Variants in LRRC4C observed in about 807,000 individuals in gnomAD.
LRRC4C encodes leucine-rich repeat-containing protein 4C.
A neutral mutation model predicts 33.6 loss-of-function variants in LRRC4C; 5 were observed. The ratio of observed to expected loss-of-function variants is 0.15; its 90% CI spans 0.08 to 0.31. LRRC4C has a LOEUF of 0.31. LRRC4C is among the 10% of genes least tolerant of loss of function. The probability of loss-of-function intolerance (pLI) is 1.00; values close to 1 mark genes in which losing one functional copy is unlikely to be tolerated. For missense variants in LRRC4C, 560 were observed against 796.7 expected, an observed-to-expected ratio of 0.70 and a Z score of 3.58; for synonymous variants, 329 against 302.0, an observed-to-expected ratio of 1.09 and a Z score of -0.93.
At chr11:40,469,664 A>G (rs1355568086) in intron 3 of LRRC4C, among the ~76,000 whole-genome samples, 1 of 152,164 alleles carries the variant, frequency 6.6e-6, no homozygotes, top group South Asian at 2.1e-4. Context: ...CAGCAGTCTG[A>G]AGTCTACCAG....
intron 5 of LRRC4C, among the ~76,000 whole-genome samples, chr11:40,174,699 C>G (rs1481854250): frequency 6.6e-6 from 1 of 152,100 alleles, no homozygotes; most frequent in Admixed American, 6.6e-5. Flanking sequence ...AGTTTGACCA[C>G]AAGACAATAC....
At chr11:40,283,955 A>C (rs2136479262) in intron 4 of LRRC4C, among the ~76,000 whole-genome samples, 1 of 152,182 alleles carries the variant, frequency 6.6e-6, no homozygotes, top group African/African-American at 2.4e-5. Flanking sequence ...CACCCGTCTT[A>C]GCCTCCCAAA....
chr11:40,292,217 C>T (rs888238010), intron 4 of LRRC4C: 2 of 152,166 alleles, frequency 1.3e-5, no homozygotes, highest in African/African-American at 2.4e-5. Flanking sequence ...ATCACAGCAA[C>T]ATCCAGATGG....
At chr11:40,732,565 A>G (rs10768627) in intron 2 of LRRC4C, among the ~76,000 whole-genome samples, 56,289 of 152,018 alleles carry the variant, frequency 0.37, 10,720 homozygotes, top group Non-Finnish European at 0.39. Flanking sequence ...AAGGCATGCT[A>G]GAAGAAAGAG....
At chr11:40,769,316 C>A (rs1044382011) in intron 2 of LRRC4C, among the ~76,000 whole-genome samples, 1 of 151,852 alleles carries the variant, frequency 6.6e-6, no homozygotes, top group African/African-American at 2.4e-5. Context: ...AACATTTATG[C>A]AAGAAATTGA....
intron 2 of LRRC4C, among the ~76,000 whole-genome samples, chr11:40,697,600 T>G (rs531274351): frequency 1.3e-5 from 2 of 152,322 alleles, no homozygotes; most frequent in Non-Finnish European, 2.9e-5. Context: ...TTTTACAACC[T>G]ATGGATCATA....
chr11:40,864,380 A>G (rs574892629), intron 2 of LRRC4C, among the ~76,000 whole-genome samples: 11 of 152,222 alleles, frequency 7.2e-5, no homozygotes, highest in African/African-American at 2.6e-4. Flanking sequence ...ACACACACTA[A>G]TTTATACCAC....
chr11:41,090,231 G>T (rs908401825), intron 1 of LRRC4C, among the ~76,000 whole-genome samples: 5 of 152,054 alleles, frequency 3.3e-5, no homozygotes, highest in African/African-American at 7.2e-5. Flanking sequence ...AGTATGCATG[G>T]TATGTGAGAG....
At chr11:40,186,546 C>T in intron 5 of LRRC4C, among the ~76,000 whole-genome samples, 1 of 152,160 alleles carries the variant, frequency 6.6e-6, no homozygotes, top group East Asian at 1.9e-4. Flanking sequence ...GGCTTAGAAA[C>T]TGGAAAGCCT....
chr11:40,786,813 G>A (rs942017120), intron 2 of LRRC4C, among the ~76,000 whole-genome samples: 2 of 152,134 alleles, frequency 1.3e-5, no homozygotes, highest in South Asian at 4.2e-4. Flanking sequence ...CTTTGAGGAT[G>A]TAACTACAGT....
At chr11:40,156,532 T>A (rs1447732026) in intron 5 of LRRC4C, among the ~76,000 whole-genome samples, 1 of 152,094 alleles carries the variant, frequency 6.6e-6, no homozygotes, top group Non-Finnish European at 1.5e-5. Context: ...CATAAATCAG[T>A]AGCTCTTCTA....
At chr11:40,233,016 G>T (rs1188461260) in intron 5 of LRRC4C, among the ~76,000 whole-genome samples, 4 of 152,150 alleles carry the variant, frequency 2.6e-5, no homozygotes, top group Non-Finnish European at 4.4e-5. Context: ...TGAGCTCCTG[G>T]CTATCTTTCT....
intron 1 of LRRC4C, among the ~76,000 whole-genome samples, chr11:41,294,071 A>T (rs768980084): frequency 2.0e-5 from 3 of 152,166 alleles, no homozygotes; most frequent in Admixed American, 2.0e-4. Flanking sequence ...GTAGTTACCC[A>T]GTCTTATAAA....
intron 2 of LRRC4C, among the ~76,000 whole-genome samples, chr11:40,674,806 A>G (rs567176372): frequency 6.6e-6 from 1 of 152,238 alleles, no homozygotes; most frequent in African/African-American, 2.4e-5. Context: ...AAAGCTTTTC[A>G]CCATCACCCT....
At chr11:40,378,759 A>G (rs1948752399) in intron 3 of LRRC4C, among the ~76,000 whole-genome samples, 1 of 152,144 alleles carries the variant, frequency 6.6e-6, no homozygotes, top group African/African-American at 2.4e-5. Context: ...AAGCACACAC[A>G]AGTGAAGAGA....
intron 2 of LRRC4C, among the ~76,000 whole-genome samples, chr11:40,827,293 T>C (rs142067057): frequency 2.0e-3 from 299 of 152,018 alleles, no homozygotes; most frequent in Non-Finnish European, 3.3e-3. Context: ...CTAATTTGTA[T>C]TCCTTAATGA....
chr11:40,355,867 C>A (rs1947632564), intron 3 of LRRC4C, among the ~76,000 whole-genome samples: 1 of 152,078 alleles, frequency 6.6e-6, no homozygotes, highest in Non-Finnish European at 1.5e-5. Context: ...GTTGGAGAGA[C>A]AATCACTAGA....
At chr11:40,988,954 T>C (rs1294401235) in intron 1 of LRRC4C, among the ~76,000 whole-genome samples, 1 of 151,892 alleles carries the variant, frequency 6.6e-6, no homozygotes, top group East Asian at 1.9e-4. Context: ...TCTCCTGACC[T>C]GGTGATTCGT....
intron 6 of LRRC4C, among the ~76,000 whole-genome samples, chr11:40,136,222 T>TAA (rs776749981): frequency 7.0e-6 from 1 of 142,192 alleles, no homozygotes; most frequent in African/African-American, 2.6e-5. Flanking sequence ...CCTGGTCTCC[T>TAA]AAAAAAAAAA....
Sources: allele counts gnomAD v4.1 joint callset (sites outside exome capture counted in the v4.1 genomes callset), GRCh38; gene constraint gnomAD v4.1.1; transcripts MANE v1.5; gene names NCBI Gene and HGNC (gene_info 2026-07-23, HGNC 2026-07-21).